The following ABL1 variants were observed in gnomAD, a reference collection of about 807,000 sequenced individuals.
ABL1 encodes the protein ABL proto-oncogene 1, non-receptor tyrosine kinase.
A neutral mutation model predicts 94.7 loss-of-function variants in ABL1; 11 were observed. That is an observed-to-expected ratio of 0.12 (90% CI 0.07 to 0.19). The LOEUF (loss-of-function observed/expected upper bound fraction) is 0.19, where lower values mean the gene tolerates loss of function less well. Among genes scored for constraint, ABL1 ranks in the 10% least tolerant of loss-of-function variants. The pLI is 1.00. For synonymous variants in ABL1, 656 were observed against 622.4 expected, an observed-to-expected ratio of 1.05 and a Z score of -0.80; for missense variants, 1,082 against 1,489.4, an observed-to-expected ratio of 0.73 and a Z score of 4.50.
Position 130,854,227 on chromosome 9 carries a change from C to G in ABL1, c.243C>G (p.Ser81Arg). 5 of 1,613,646 alleles carry G rather than the reference C, an allele frequency of 3.1e-6. No homozygotes were observed. The highest frequency in any genetic ancestry group is 4.2e-6 in the Non-Finnish European group (5 of 1,179,890). The part of the protein sequence containing the change: ...DFVASGDNTL[S>R]ITKGEKLRVL... ...TGGCCAGTGGAGATAACACTCTAAG[C>G]ATAACTAAAGGTAAAAGGGTTGTGG... is the stretch of plus-strand genomic sequence containing the variant. Residue 81 changes from serine to arginine, a missense_variant, in exon 2 of 11, where the codon AGC (serine) becomes AGG (arginine). Coordinates refer to ENST00000318560, the MANE Select transcript of ABL1 (RefSeq NM_005157.6).
chr9:130,743,189 C>T lies in ABL1; in HGVS notation c.136+28734C>T, dbSNP rs369036156. The stretch of plus-strand genomic sequence containing the variant: ...CTGGGTTCAAGTGATTCTCCTGCCT[C>T]AGCCTCCCAAGTAGCCAGGATTACA... On this transcript the variant is annotated intron_variant, in intron 1 of 10. Transcript: ENST00000372348. 4.8e-3 allele frequency among the ~76,000 whole-genome samples: 734 copies of T among 152,332 alleles called. 1 individual carries two copies. Among genetic ancestry groups the T allele is most frequent in the African/African-American group, 0.016 (678 of 41,592 alleles).
At chr9:130,806,013 C>T (rs575598657) in intron 1 of ABL1, among the ~76,000 whole-genome samples, 3 of 152,230 alleles carry the variant, frequency 2.0e-5, no homozygotes, top group African/African-American at 4.8e-5. Context: ...GAGAGAGATG[C>T]AAATGATTTA....
intron 1 of ABL1, among the ~76,000 whole-genome samples, chr9:130,806,495 A>G (rs891281511): frequency 1.1e-4 from 16 of 151,984 alleles, no homozygotes; most frequent in South Asian, 4.1e-4. Context: ...TGAGGACTTT[A>G]AAAAAAATTG....
intron 1 of ABL1, among the ~76,000 whole-genome samples, chr9:130,785,271 C>G (rs1384975024): frequency 6.6e-6 from 1 of 152,158 alleles, no homozygotes; most frequent in African/African-American, 2.4e-5. Context: ...AAACACATAT[C>G]AGCCATCATA....
At chr9:130,816,206 A>G (rs938789851) in intron 1 of ABL1, among the ~76,000 whole-genome samples, 5 of 151,996 alleles carry the variant, frequency 3.3e-5, no homozygotes, top group African/African-American at 1.2e-4. Flanking sequence ...CTCCCTGCCC[A>G]GGGCCTTTGC....
In ABL1 at chr9:130,750,644, CTTTT is replaced by C. The variant is rs71389345; in HGVS notation, c.136+36206_136+36209del. ...TTCTTTTTCTTTTTTCTTTTTCTTT[CTTTT>C]TTTTTTTTTTTTTTTTGAGACAGAG... is the stretch of plus-strand genomic sequence containing the variant. On this transcript the variant is annotated intron_variant, in intron 1 of 10. Transcript: ENST00000372348. 1.6e-3 allele frequency among the ~76,000 whole-genome samples: 142 copies of C among 87,288 alleles called. 2 individuals carry two copies. Among genetic ancestry groups the C allele is most frequent in the African/African-American group, 6.7e-3 (138 of 20,532 alleles). 57.3% of individuals were successfully genotyped at this position (87,288 alleles called of 152,430 possible). A position where few individuals can be genotyped will look rare whatever the true frequency, so the allele number is the denominator to read the frequency against.
intron 1 of ABL1, among the ~76,000 whole-genome samples, chr9:130,765,033 CCTTTT>C (rs1832164496): frequency 6.6e-6 from 1 of 151,824 alleles, no homozygotes. Flanking sequence ...GTTCCTCCAC[CCTTTT>C]CTTTTTGGCC....
chr9:130,823,415 A>G (rs1830388879), intron 1 of ABL1, among the ~76,000 whole-genome samples: 1 of 152,194 alleles, frequency 6.6e-6, no homozygotes, highest in Non-Finnish European at 1.5e-5. Context: ...TAACATTATT[A>G]CCATAAGGAC....
At chr9:130,827,693 G>C (rs1170609955) in intron 1 of ABL1, among the ~76,000 whole-genome samples, 2 of 152,020 alleles carry the variant, frequency 1.3e-5, no homozygotes, top group Non-Finnish European at 2.9e-5. Flanking sequence ...TCAGGAGTTT[G>C]AGACCAGCTT....
intron 1 of ABL1, among the ~76,000 whole-genome samples, chr9:130,730,613 C>T (rs1831652269): frequency 6.6e-6 from 1 of 151,480 alleles, no homozygotes; most frequent in Non-Finnish European, 1.5e-5. Context: ...ATTCTGTTGC[C>T]CAGGCTGGAG....
intron 1 of ABL1, chr9:130,724,969 G>A: frequency 6.1e-6 from 2 of 326,712 alleles, no homozygotes; most frequent in Non-Finnish European, 1.2e-5. Context: ...TTCGGAAGGT[G>A]ACAGGCCTTA....
At chr9:130,713,705 C>T (rs1382642524) in exon 1 of ABL1, among the ~76,000 whole-genome samples, 2 of 152,176 alleles carry the variant, frequency 1.3e-5, no homozygotes, top group Non-Finnish European at 2.9e-5. Context: ...TTCCACAGGC[C>T]TTTTAAAAAG....
chr9:130,715,726 T>C lies in ABL1; in HGVS notation c.136+1271T>C, dbSNP rs1478824486. Among the ~76,000 whole-genome samples the C allele has an allele frequency of 5.3e-5, 8 of 152,210 alleles. No homozygotes were observed. The East Asian group carries it at 5.8e-4, about 11-fold the overall frequency. The stretch of plus-strand genomic sequence containing the variant: ...TTTTGGAGAGCTTTGGCGGAACTTA[T>C]CAGAATTTGAAATGTACGTGCCAAT... On this transcript the variant is annotated intron_variant, in intron 1 of 10. Coordinates refer to the ABL1 transcript ENST00000372348.
intron 1 of ABL1, among the ~76,000 whole-genome samples, chr9:130,759,388 C>T (rs1832081901): frequency 6.6e-6 from 1 of 152,190 alleles, no homozygotes; most frequent in Non-Finnish European, 1.5e-5. Context: ...GTTTCATTAG[C>T]AGCTCCTTGG....
At chr9:130,789,962 A>G (rs547007590) in intron 1 of ABL1, among the ~76,000 whole-genome samples, 1 of 152,252 alleles carries the variant, frequency 6.6e-6, no homozygotes, top group Non-Finnish European at 1.5e-5. Flanking sequence ...GTTCCAGAAG[A>G]AGATACTACA....
At chr9:130,779,770 G>A (rs1346271199) in intron 1 of ABL1, among the ~76,000 whole-genome samples, 1 of 152,154 alleles carries the variant, frequency 6.6e-6, no homozygotes, top group South Asian at 2.1e-4. Context: ...TACTCTTGAT[G>A]CTTTTAGGTA....
chr9:130,753,422 C>CTTTTTT (rs71389347), intron 1 of ABL1, among the ~76,000 whole-genome samples: 174 of 90,330 alleles, frequency 1.9e-3, no homozygotes, highest in Non-Finnish European at 2.4e-3. Context: ...TTTTTCTTTT[C>CTTTTTT]TTTTTTTTTT....
chr9:130,779,693 G>A (rs1250944392), intron 1 of ABL1, among the ~76,000 whole-genome samples: 1 of 152,122 alleles, frequency 6.6e-6, no homozygotes, highest in Non-Finnish European at 1.5e-5. Flanking sequence ...CGCACACACA[G>A]CAAACCTATA....
Position 130,871,778 on chromosome 9 carries a change from T to C in ABL1, c.823-351T>C, listed in dbSNP as rs185084610. 4.2e-4 allele frequency among the ~76,000 whole-genome samples: 64 copies of C among 152,366 alleles called. 1 individual carries two copies. In the South Asian group the frequency reaches 9.9e-3, roughly 24 times the overall value. On this transcript the variant is annotated intron_variant, in intron 4 of 10. Transcript: ENST00000318560. ...GTTCCCTGGGGAAAGTGTGTCACGT[T>C]TGTGGTGTTTGCCCGTATAGCTCTC...
Sources: gnomAD v4.1 joint callset for allele counts (sites outside exome capture counted in the v4.1 genomes callset) on GRCh38, gnomAD v4.1.1 for gene constraint, MANE v1.5 for transcripts, NCBI Gene and HGNC (gene_info 2026-07-23, HGNC 2026-07-21) for gene names.